Variants in CDH13 observed in about 807,000 individuals in gnomAD.
CDH13 encodes the protein cadherin-13.
A neutral mutation model predicts 63.8 loss-of-function variants in CDH13; 24 were observed. The observed-to-expected ratio is 0.38, with a 90% CI of 0.27 to 0.53. The LOEUF (loss-of-function observed/expected upper bound fraction) is 0.53, where lower values mean the gene tolerates loss of function less well. Ranked by LOEUF, CDH13 falls within the 20% of genes least tolerant of loss-of-function variation. The pLI is 0.85. For synonymous variants in CDH13, 503 were observed against 355.3 expected (o/e 1.42, Z -4.67); for missense variants, 1,049 against 903.1 (o/e 1.16, Z -2.07).
intron 3 of CDH13, among the ~76,000 whole-genome samples, chr16:83,097,247 A>G (rs1346689198): frequency 6.6e-6 from 1 of 152,194 alleles, no homozygotes; most frequent in Non-Finnish European, 1.5e-5. Context: ...AGCTCATAGG[A>G]TAAGAATTCT....
chr16:83,485,880 A>G (rs1309518643), intron 6 of CDH13, among the ~76,000 whole-genome samples: 1 of 152,108 alleles, frequency 6.6e-6, no homozygotes. Context: ...GCTAGATGGA[A>G]TCTTGTAATC....
chr16:83,625,172 ATGTGTG>A (rs373457043), intron 8 of CDH13, among the ~76,000 whole-genome samples: 2 of 149,978 alleles, frequency 1.3e-5, no homozygotes, highest in African/African-American at 4.9e-5. Flanking sequence ...GTGTGTGCTC[ATGTGTG>A]TGTGTGTGCT....
intron 5 of CDH13, among the ~76,000 whole-genome samples, chr16:83,254,614 T>C (rs1315817902): frequency 6.6e-6 from 1 of 152,188 alleles, no homozygotes; most frequent in African/African-American, 2.4e-5. Flanking sequence ...CTGCTTGTAC[T>C]TCTGCCTTAT....
At chr16:83,052,095 C>G (rs751196920) in intron 3 of CDH13, among the ~76,000 whole-genome samples, 1 of 152,096 alleles carries the variant, frequency 6.6e-6, no homozygotes, top group African/African-American at 2.4e-5. Context: ...CTATATCATG[C>G]ATTCTCTGCT....
At chr16:82,791,012 C>A (rs1209230469) in intron 1 of CDH13, among the ~76,000 whole-genome samples, 1 of 152,162 alleles carries the variant, frequency 6.6e-6, no homozygotes, top group Non-Finnish European at 1.5e-5. Context: ...CCGAGGCGGG[C>A]AGATCACGAG....
At chr16:82,900,597 C>T (rs2041431014) in intron 2 of CDH13, among the ~76,000 whole-genome samples, 1 of 152,132 alleles carries the variant, frequency 6.6e-6, no homozygotes, top group African/African-American at 2.4e-5. Context: ...TTGTAAGCTG[C>T]TGTGAAGTAA....
chr16:82,747,397 C>T (rs2151064165), intron 1 of CDH13, among the ~76,000 whole-genome samples: 1 of 152,256 alleles, frequency 6.6e-6, no homozygotes, highest in South Asian at 2.1e-4. Context: ...TTCCTTTCTT[C>T]TCATATAGTT....
At chr16:82,713,036 A>T (rs1161143897) in intron 1 of CDH13, among the ~76,000 whole-genome samples, 1 of 121,528 alleles carries the variant, frequency 8.2e-6, no homozygotes, top group Non-Finnish European at 1.8e-5. Context: ...AGTGAATAGA[A>T]CCCCGGCGTG....
chr16:83,391,669 C>G (rs932006362), intron 6 of CDH13, among the ~76,000 whole-genome samples: 1 of 152,172 alleles, frequency 6.6e-6, no homozygotes. Flanking sequence ...AGGGTCACCA[C>G]CAACACATTG....
intron 1 of CDH13, chr16:82,639,549 C>A: frequency 1.2e-6 from 1 of 854,342 alleles, no homozygotes; most frequent in Non-Finnish European, 1.9e-6. Context: ...TAAGTCAGTG[C>A]TTCCTGCAAG....
At chr16:83,036,150 T>TC (rs1567768146) in intron 3 of CDH13, among the ~76,000 whole-genome samples, 2 of 147,862 alleles carry the variant, frequency 1.4e-5, no homozygotes, top group African/African-American at 2.5e-5. Flanking sequence ...CCTCTTTTTT[T>TC]TTTTTTTTTT....
chr16:82,950,507 T>C (rs954032099), intron 2 of CDH13, among the ~76,000 whole-genome samples: 13 of 152,282 alleles, frequency 8.5e-5, no homozygotes, highest in South Asian at 2.1e-4. Context: ...GGAGATCTGA[T>C]GGTTTTAGAA....
chr16:82,864,260 G>A (rs1246281605), intron 2 of CDH13, among the ~76,000 whole-genome samples: 1 of 152,188 alleles, frequency 6.6e-6, no homozygotes, highest in Non-Finnish European at 1.5e-5. Flanking sequence ...AGGGACTCCT[G>A]TCCATGTTGA....
At chr16:82,803,237 C>G (rs1198711869) in intron 1 of CDH13, among the ~76,000 whole-genome samples, 3 of 152,148 alleles carry the variant, frequency 2.0e-5, no homozygotes, top group Admixed American at 2.0e-4. Context: ...AATAGCACCA[C>G]AAAGACGTGG....
intron 1 of CDH13, among the ~76,000 whole-genome samples, chr16:82,703,652 G>C (rs79371949): frequency 7.3e-4 from 111 of 152,098 alleles, no homozygotes; most frequent in African/African-American, 2.6e-3. Context: ...CCAATAATAC[G>C]CTACTTAAGA....
At chr16:83,291,186 G>T (rs904277947) in intron 5 of CDH13, among the ~76,000 whole-genome samples, 16 of 152,304 alleles carry the variant, frequency 1.1e-4, no homozygotes, top group Admixed American at 3.9e-4. Flanking sequence ...ATGAATGGAA[G>T]AATTAATGGA....
At chr16:82,973,857 G>T (rs1034857665) in intron 2 of CDH13, among the ~76,000 whole-genome samples, 1 of 152,076 alleles carries the variant, frequency 6.6e-6, no homozygotes, top group Non-Finnish European at 1.5e-5. Flanking sequence ...CTGTTTCATT[G>T]ATGTAAATGA....
intron 10 of CDH13, among the ~76,000 whole-genome samples, chr16:83,684,117 A>C (rs1904280099): frequency 6.6e-6 from 1 of 152,216 alleles, no homozygotes. Context: ...CTGTAATCCC[A>C]ATATTTTGGG....
At chr16:83,212,620 G>C (rs190823389) in intron 4 of CDH13, among the ~76,000 whole-genome samples, 1 of 152,326 alleles carries the variant, frequency 6.6e-6, no homozygotes, top group African/African-American at 2.4e-5. Flanking sequence ...AACAGACCCA[G>C]CCTATTTTTA....
Sources: gnomAD v4.1 joint callset for allele counts (sites outside exome capture counted in the v4.1 genomes callset) on GRCh38, gnomAD v4.1.1 for gene constraint, MANE v1.5 for transcripts, NCBI Gene and HGNC (gene_info 2026-07-23, HGNC 2026-07-21) for gene names.